Variants in TIA1 observed in about 807,000 individuals in gnomAD.
TIA1 encodes TIA1 cytotoxic granule associated RNA binding protein.
In TIA1, 23 loss-of-function variants were observed where a neutral mutation model predicts 65.9. That is an observed-to-expected ratio of 0.35 (90% CI 0.25 to 0.49). The LOEUF is 0.49. Ranked by LOEUF, TIA1 falls within the 20% of genes least tolerant of loss-of-function variation. TIA1 has a pLI of 0.98. For synonymous variants in TIA1, 147 were observed against 149.4 expected (o/e 0.98, Z 0.12); for missense variants, 371 against 477.9 (o/e 0.78, Z 2.09).
At chr2:70,216,095 CGAG>C in intron 10 of TIA1, 110 bp downstream of exon 10, 1 of 1,005,062 alleles carries the variant, frequency 9.9e-7, no homozygotes, top group Non-Finnish European at 1.4e-6. Flanking sequence ...TTTAAGAAAA[CGAG>C]GTAAATGTTC....
chr2:70,212,533 A>G lies in TIA1; in HGVS notation c.*186T>C. The stretch of plus-strand genomic sequence containing the variant: ...TGAAGGCAAAAATTGGCAGACATCC[A>G]GCATCTTGTTTCTTTTTAAAACAAT... On this transcript the variant is annotated 3_prime_UTR_variant, in exon 13 of 13. Transcript: ENST00000433529. 1 of 457,588 alleles carries G rather than the reference A, an allele frequency of 2.2e-6. No individual in the cohort carries two copies. The highest frequency in any genetic ancestry group is 4.0e-6 in the Non-Finnish European group (1 of 251,062). The allele number at this position is 457,588 out of a possible 1,614,324, so 28.3% of individuals were successfully genotyped here.
At chr2:70,235,545 T>TGTGTATGC (rs1688480849) in intron 2 of TIA1, among the ~76,000 whole-genome samples, 1 of 150,738 alleles carries the variant, frequency 6.6e-6, no homozygotes, top group Middle Eastern at 3.4e-3. Context: ...TGAATGAGTG[T>TGTGTATGC]GTGTGTGTGT....
chr2:70,227,756 A>C lies in TIA1; in HGVS notation c.377T>G (p.Phe126Cys), dbSNP rs748138782. ...TTACGATATTCTTCCAAATGGTGCA[A>C]AAGCAGCTTTTATATCTTCAGTTGT... ...EITTEDIKAA[F>C]APFGRISDAR... The change falls in exon 6 of 13, where the codon TTT becomes TGT. Residue 126 changes from phenylalanine to cysteine, a missense_variant. Physicochemically the swap from Phe to Cys is radical, Grantham distance 205 (BLOSUM62 -2). Coordinates refer to ENST00000433529, the MANE Select transcript of TIA1 (RefSeq NM_022173.4). 1 of 1,595,812 alleles carries C rather than the reference A, an allele frequency of 6.3e-7. No individual in the cohort carries two copies.
intron 1 of TIA1, among the ~76,000 whole-genome samples, chr2:70,237,292 CT>C (rs1689392407): frequency 1.3e-5 from 2 of 152,140 alleles, no homozygotes; most frequent in African/African-American, 2.4e-5. Flanking sequence ...AACCCAGCTA[CT>C]TGGGAGGCTG....
intron 1 of TIA1, among the ~76,000 whole-genome samples, chr2:70,243,351 T>C (rs1322574092): frequency 6.6e-6 from 1 of 152,100 alleles, no homozygotes; most frequent in African/African-American, 2.4e-5. Flanking sequence ...CCCTTGAGCC[T>C]GAGAGGTCGA....
At chr2:70,242,679 T>G (rs568192586) in intron 1 of TIA1, among the ~76,000 whole-genome samples, 18 of 152,196 alleles carry the variant, frequency 1.2e-4, no homozygotes, top group South Asian at 2.1e-4. Context: ...TGGACCATTA[T>G]GCGTCCATGG....
At chr2:70,241,666 G>A (rs1691806624) in intron 1 of TIA1, among the ~76,000 whole-genome samples, 2 of 151,932 alleles carry the variant, frequency 1.3e-5, no homozygotes, top group South Asian at 2.1e-4. Flanking sequence ...TCGGTAGGGT[G>A]TGGTGGCTCA....
At position 70,230,742 on chromosome 2, in the gene TIA1, T is replaced by C; in HGVS notation, c.222+14A>G. 1 of 1,572,260 alleles carries C rather than the reference T, an allele frequency of 6.4e-7. No homozygotes were observed. On this transcript the variant is annotated intron_variant, in intron 3 of 12. Coordinates refer to ENST00000433529, the MANE Select transcript of TIA1 (RefSeq NM_022173.4). ...TTTCAGTGCAAGTCACCTTCTTTAA[T>C]TACGACAGCTTACCTTACCCATTAT...
chr2:70,227,711 TTTTA>T lies in TIA1; in HGVS notation c.398+20_398+23del, dbSNP rs1239692606. ...ATATAATTGTTTCTAATTAAAAGGA[TTTTA>T]TTTATCTTCTGTTACTTACGATATT... is the stretch of plus-strand genomic sequence containing the variant. On this transcript the variant is annotated intron_variant, in intron 6 of 12. Coordinates refer to ENST00000433529, the MANE Select transcript of TIA1 (RefSeq NM_022173.4). The T allele has an allele frequency of 2.0e-6, 3 of 1,481,902 alleles. No individual in the cohort carries two copies. Among genetic ancestry groups the T allele is most frequent in the South Asian group, 2.5e-5 (2 of 79,626 alleles). 91.8% of individuals were successfully genotyped at this position (1,481,902 alleles called of 1,614,324 possible).
intron 1 of TIA1, among the ~76,000 whole-genome samples, chr2:70,238,260 G>GTTTTTTTTTTTTTTTT (rs763865705): frequency 2.1e-5 from 2 of 94,596 alleles, no homozygotes; most frequent in African/African-American, 8.9e-5. Flanking sequence ...GTTCCCCCAA[G>GTTTTTTTTTTTTTTTT]TTTTTTTTTT....
chr2:70,224,382 C>A (rs541965518), intron 7 of TIA1, 172 bp downstream of exon 7: 23 of 817,836 alleles, frequency 2.8e-5, no homozygotes, highest in Non-Finnish European at 7.5e-6. Context: ...ACTCTGCATG[C>A]CTCAGGTGCC....
chr2:70,226,888 T>G (rs530439734), intron 6 of TIA1, among the ~76,000 whole-genome samples: 2 of 152,276 alleles, frequency 1.3e-5, no homozygotes, highest in South Asian at 2.1e-4. Flanking sequence ...ACGATAACTC[T>G]TCAAACGAAA....
intron 1 of TIA1, among the ~76,000 whole-genome samples, chr2:70,239,217 C>T (rs1468921691): frequency 6.6e-6 from 1 of 152,118 alleles, no homozygotes; most frequent in Non-Finnish European, 1.5e-5. Flanking sequence ...CTCAGCCTCC[C>T]GAGTAGCTGG....
At chr2:70,227,850 A>G in intron 5 of TIA1, 28 bp from the exon 6 acceptor site, 1 of 1,473,972 alleles carries the variant, frequency 6.8e-7, no homozygotes, top group Non-Finnish European at 9.4e-7. Flanking sequence ...GGGGAAGTGA[A>G]AAGAAAAATA....
At chr2:70,228,404 T>A in intron 5 of TIA1, 1 of 1,288,574 alleles carries the variant, frequency 7.8e-7, no homozygotes, top group Non-Finnish European at 1.0e-6. Context: ...CCAACAGTTT[T>A]GGTTGCCCAG....
chr2:70,235,583 T>C (rs1558905362), intron 2 of TIA1, among the ~76,000 whole-genome samples: 1 of 148,132 alleles, frequency 6.8e-6, no homozygotes, highest in African/African-American at 2.4e-5. Flanking sequence ...TGTGTGTGTG[T>C]TTAATACATT....
rs763725182 is a variant in TIA1 at position 70,217,006 on chromosome 2, A to G, written c.475-12T>C. 1.3e-6 allele frequency: 2 copies of G among 1,597,014 alleles called. No individual in the cohort carries two copies. The highest frequency in any genetic ancestry group is 1.8e-5 in the Admixed American group (1 of 55,968). ...GCGTTTTCAGCATCCTGTTCCGTAC[A>G]ACATTAGAAACAATAAAGAAGTCAC... On this transcript the variant is annotated splice_polypyrimidine_tract_variant and intron_variant, in intron 7 of 12. Coordinates refer to ENST00000433529, the MANE Select transcript of TIA1 (RefSeq NM_022173.4).
Position 70,215,378 on chromosome 2 carries a change from A to T in TIA1, c.881T>A (p.Val294Glu), listed in dbSNP as rs769199100. 6.2e-7 allele frequency: 1 copy of T among 1,613,988 alleles called. No homozygotes were observed. The highest frequency in any genetic ancestry group is 8.5e-7 in the Non-Finnish European group (1 of 1,179,968). Reference protein sequence around the residue: ...GKETLDMINPVQQQNQIGYPQ... With the variant: ...GKETLDMINPEQQQNQIGYPQ... ...AGTTAAGAACCCTCTCACCTGTTGCACGGGATTTATCATATCAAGAGTTTC... is the reference window on the plus strand; with the variant it reads ...AGTTAAGAACCCTCTCACCTGTTGCTCGGGATTTATCATATCAAGAGTTTC... The change falls in exon 11 of 13, where the codon GTG becomes GAG. Residue 294 changes from valine to glutamate, a missense_variant. Coordinates refer to ENST00000433529, the MANE Select transcript of TIA1 (RefSeq NM_022173.4).
Position 70,215,381 on chromosome 2 carries a change from G to T in TIA1, c.878C>A (p.Pro293His), listed in dbSNP as rs1558756336. The T allele has an allele frequency of 6.2e-7, 1 of 1,613,810 alleles. No homozygotes were observed. Among genetic ancestry groups the T allele is most frequent in the Non-Finnish European group, 8.5e-7 (1 of 1,179,942 alleles). The change falls in exon 11 of 13, where the codon CCC becomes CAC. Residue 293 changes from proline to histidine, a missense_variant. Coordinates refer to ENST00000433529, the MANE Select transcript of TIA1 (RefSeq NM_022173.4). The stretch of plus-strand genomic sequence containing the variant: ...TAAGAACCCTCTCACCTGTTGCACG[G>T]GATTTATCATATCAAGAGTTTCTTT... ...WGKETLDMINPVQQQNQIGYP... is the reference protein window; with the variant it reads ...WGKETLDMINHVQQQNQIGYP...
Sources: gnomAD v4.1 joint callset for allele counts (sites outside exome capture counted in the v4.1 genomes callset) on GRCh38, gnomAD v4.1.1 for gene constraint, MANE v1.5 for transcripts, NCBI Gene and HGNC (gene_info 2026-07-23, HGNC 2026-07-21) for gene names.